PHLDB1: variants seen among roughly 807,000 people sequenced by gnomAD.
PHLDB1 encodes pleckstrin homology like domain family B member 1.
Under a neutral mutation model 139.3 loss-of-function variants are expected in PHLDB1, and 65 were observed. The ratio of observed to expected loss-of-function variants is 0.47; its 90% CI spans 0.38 to 0.57. The LOEUF (loss-of-function observed/expected upper bound fraction) is 0.57, where lower values mean the gene tolerates loss of function less well. Among genes scored for constraint, PHLDB1 ranks in the 20% least tolerant of loss-of-function variants. The probability of loss-of-function intolerance (pLI) is 0.00; values close to 1 mark genes in which losing one functional copy is unlikely to be tolerated. For missense variants in PHLDB1, 1,624 were observed against 1,839.7 expected (o/e 0.88, Z 2.14); for synonymous variants, 679 against 734.5 (o/e 0.92, Z 1.22).
chr11:118,644,640 A>C (rs1260783630), intron 15 of PHLDB1: 1 of 1,287,614 alleles, frequency 7.8e-7, no homozygotes, highest in African/African-American at 1.5e-5. Flanking sequence ...GGGGTCCCCC[A>C]CGCCAGTCGA....
intron 4 of PHLDB1, chr11:118,621,213 C>A (rs1258715305): frequency 1.3e-5 from 2 of 152,790 alleles, no homozygotes; most frequent in Non-Finnish European, 2.9e-5. Flanking sequence ...TTTCTTCCTG[C>A]CCTCGATGCA....
At chr11:118,630,553 C>T (rs1392190648) in intron 6 of PHLDB1, among the ~76,000 whole-genome samples, 1 of 152,172 alleles carries the variant, frequency 6.6e-6, no homozygotes, top group Non-Finnish European at 1.5e-5. Flanking sequence ...GCTCATGGGT[C>T]TGTTTTCCAG....
intron 18 of PHLDB1, 72 bp downstream of exon 18, chr11:118,648,148 G>A (rs1947815304): frequency 6.8e-7 from 1 of 1,461,614 alleles, no homozygotes; most frequent in East Asian, 2.3e-5. Context: ...GAGATCCCAG[G>A]GTTTCTGTGT....
chr11:118,642,400 C>G lies in PHLDB1; in HGVS notation c.2877+6C>G. 4 of 1,605,986 alleles carry G rather than the reference C, an allele frequency of 2.5e-6. No individual in the cohort carries two copies. The highest frequency in any genetic ancestry group is 2.5e-6 in the Non-Finnish European group (3 of 1,179,460). On this transcript the variant is annotated splice_donor_region_variant and intron_variant, in intron 13 of 22. Coordinates refer to ENST00000600882, the MANE Select transcript of PHLDB1 (RefSeq NM_001144758.3). ...AAGCTTCCCGTCAGCTGCAGGTAAC[C>G]CCTCCTTCACTGCCCGTCCTCCCCA...
chr11:118,643,533 A>G (rs1403439189), intron 13 of PHLDB1: 1 of 985,276 alleles, frequency 1.0e-6, no homozygotes, highest in East Asian at 1.1e-4. Context: ...CTGACATTAA[A>G]TCCTTGCATG....
rs548262817 is a variant in PHLDB1 at position 118,628,043 on chromosome 11, G to C, written c.1220G>C (p.Arg407Pro). The C allele has an allele frequency of 6.2e-7, 1 of 1,613,796 alleles. No homozygotes were observed. The highest frequency in any genetic ancestry group is 8.5e-7 in the Non-Finnish European group (1 of 1,180,012). Residue 407 changes from arginine to proline, a missense_variant, in exon 6 of 23, where the codon CGT becomes CCT. Coordinates refer to ENST00000600882, the MANE Select transcript of PHLDB1 (RefSeq NM_001144758.3). ...CAGGACCGCCCTCCCAGCCCTTTCC[G>C]TGAGCCTCCAGGCAGTGAGCGGGTG... ...TLQDRPPSPF[R>P]EPPGSERVLT...
rs556544217 is a variant in PHLDB1, at chr11:118,631,797, C to T, written c.2101-116C>T. ...TTGCGGGGGGGCAGGGAATTAGCCT[C>T]CTGTCTCAGTCCAGCTATTCCTCAG... On this transcript the variant is annotated intron_variant, in intron 7 of 22. Transcript: ENST00000600882. 1.7e-4 allele frequency: 210 copies of T among 1,232,698 alleles called. No homozygotes were observed. In the African/African-American group the frequency reaches 2.6e-3, roughly 15 times the overall value. The allele number at this position is 1,232,698 out of a possible 1,614,324, so 76.4% of individuals were successfully genotyped here. A position where few individuals can be genotyped will look rare whatever the true frequency, so the allele number is the denominator to read the frequency against.
intron 4 of PHLDB1, among the ~76,000 whole-genome samples, chr11:118,623,708 T>C (rs1943264882): frequency 1.3e-5 from 2 of 152,136 alleles, no homozygotes; most frequent in South Asian, 4.1e-4. Flanking sequence ...TTCATCTGAC[T>C]GATCCATGGT....
In PHLDB1 at chr11:118,628,073, C is replaced by A. The variant is rs782801459; in HGVS notation, c.1250C>A (p.Thr417Lys). The change falls in exon 6 of 23, where the codon ACA becomes AAA. Residue 417 changes from threonine (T) to lysine (K), a missense_variant. Coordinates refer to ENST00000600882, the MANE Select transcript of PHLDB1 (RefSeq NM_001144758.3). The stretch of plus-strand genomic sequence containing the variant: ...CCTCCAGGCAGTGAGCGGGTGCTAA[C>A]AACCAGCCCCTCACGCCAACTGGTG... ...REPPGSERVL[T>K]TSPSRQLVGR... 26 of 1,613,846 alleles carry A rather than the reference C, an allele frequency of 1.6e-5. No individual in the cohort carries two copies. Among genetic ancestry groups the A allele is most frequent in the African/African-American group, 6.7e-5 (5 of 74,924 alleles).
chr11:118,613,566 G>A (rs1940939435), intron 1 of PHLDB1: 2 of 748,514 alleles, frequency 2.7e-6, no homozygotes, highest in Non-Finnish European at 3.8e-6. Flanking sequence ...TGGGCCCTAT[G>A]GGACTGTTTG....
intron 15 of PHLDB1, 191 bp downstream of exon 15, chr11:118,644,365 A>T (rs1452507529): frequency 3.4e-6 from 2 of 595,406 alleles, no homozygotes; most frequent in Non-Finnish European, 5.9e-6. Flanking sequence ...TCAGGGCAGG[A>T]GACTAAGGGC....
At chr11:118,623,767 GC>G (rs1312092957) in intron 4 of PHLDB1, among the ~76,000 whole-genome samples, 21 of 151,990 alleles carry the variant, frequency 1.4e-4, no homozygotes, top group Non-Finnish European at 8.8e-5. Context: ...CCTGGAAGTT[GC>G]TGCCTCTCAG....
chr11:118,632,837 A>C lies in PHLDB1; in HGVS notation c.2379+541A>C. ...GTGCCAGCCTGCAGGGGCCACTCCC[A>C]GATGCCCAACACCGTGCCAAAAGCT... On this transcript the variant is annotated intron_variant, in intron 9 of 22. Transcript: ENST00000600882. The surrounding 1 kb of genome is among the most constrained non-coding windows in gnomAD (Gnocchi z 5.9). 2 of 986,250 alleles carry C rather than the reference A, an allele frequency of 2.0e-6. No individual in the cohort carries two copies. The highest frequency in any genetic ancestry group is 2.4e-6 in the Non-Finnish European group (2 of 830,264). The allele number at this position is 986,250 out of a possible 1,614,324, so 61.1% of individuals were successfully genotyped here.
chr11:118,650,260 G>A lies in PHLDB1; in HGVS notation c.3771+67G>A. 1.6e-6 allele frequency: 2 copies of A among 1,256,352 alleles called. No homozygotes were observed. Among genetic ancestry groups the A allele is most frequent in the Non-Finnish European group, 2.3e-6 (2 of 854,490 alleles). 77.8% of individuals were successfully genotyped at this position (1,256,352 alleles called of 1,614,324 possible). A position where few individuals can be genotyped will look rare whatever the true frequency, so the allele number is the denominator to read the frequency against. On this transcript the variant is annotated intron_variant, in intron 19 of 22. Transcript: ENST00000600882. This position sits in a 1 kb window ranked among gnomAD's most constrained non-coding sequence, Gnocchi z 4.7. The stretch of plus-strand genomic sequence containing the variant: ...AATCCCGTGGTGAGAGGCACCTCCT[G>A]GGTCGTTGGAATAGTGGCGTCAGTC...
intron 17 of PHLDB1, chr11:118,647,666 T>TA (rs551832859): frequency 7.2e-3 from 2,194 of 305,622 alleles, no homozygotes; most frequent in East Asian, 9.1e-3. Flanking sequence ...GTGAGCGAGA[T>TA]AAAAAAAAAA....
rs376091976 is a variant in PHLDB1, at chr11:118,647,969, G to A, written c.3547G>A (p.Glu1183Lys). ...GCTGCGGCGGCAGGCCCTGGAGGAGGAGCGGCGGAGGCGTGAGCAGGTAGA... is the reference window on the plus strand; with the variant it reads ...GCTGCGGCGGCAGGCCCTGGAGGAGAAGCGGCGGAGGCGTGAGCAGGTAGA... The part of the protein sequence containing the change: ...MELRRQALEE[E>K]RRRREQVERR... The change falls in exon 18 of 23, where the codon GAG becomes AAG. Residue 1183 changes from glutamate (E) to lysine (K), a missense_variant. Physicochemically the swap from Glu to Lys is moderately conservative, Grantham distance 56. Transcript: ENST00000600882. 196 of 1,590,512 alleles carry A rather than the reference G, an allele frequency of 1.2e-4. No homozygotes were observed. Among genetic ancestry groups the A allele is most frequent in the Non-Finnish European group, 1.6e-4 (188 of 1,168,884 alleles).
At chr11:118,643,037 A>G (rs992183463) in intron 13 of PHLDB1, among the ~76,000 whole-genome samples, 1 of 152,108 alleles carries the variant, frequency 6.6e-6, no homozygotes, top group South Asian at 2.1e-4. Context: ...ACCATTTAAG[A>G]TCACCCCTTG....
At chr11:118,627,171 T>A in intron 5 of PHLDB1, 134 bp from the exon 6 acceptor site, 1 of 835,654 alleles carries the variant, frequency 1.2e-6, no homozygotes, top group Non-Finnish European at 1.9e-6. Flanking sequence ...AGCTAGCTGG[T>A]ACCAGAACCA....
In PHLDB1 at chr11:118,620,134, G is replaced by A. The variant is rs910943157; in HGVS notation, c.355+3923G>A. Among the ~76,000 whole-genome samples the A allele has an allele frequency of 6.6e-6, 1 of 152,266 alleles. No individual in the cohort carries two copies. The highest frequency in any genetic ancestry group is 6.5e-5 in the Admixed American group (1 of 15,288). On this transcript the variant is annotated intron_variant, in intron 4 of 22. Coordinates refer to ENST00000600882, the MANE Select transcript of PHLDB1 (RefSeq NM_001144758.3). This position sits in a 1 kb window ranked among gnomAD's most constrained non-coding sequence, Gnocchi z 4.1. ...ACATTGTGTCCCGTAAGGCTCTGGT[G>A]TGCAGGGGCCAGGTCCCTGGAACAA...
Sources: gnomAD v4.1 joint callset for allele counts (sites outside exome capture counted in the v4.1 genomes callset) on GRCh38, gnomAD v4.1.1 for gene constraint, Gnocchi (gnomAD v3.1) non-coding constraint, MANE v1.5 for transcripts, NCBI Gene and HGNC (gene_info 2026-07-23, HGNC 2026-07-21) for gene names.